ST18: variants seen among roughly 807,000 people sequenced by gnomAD.
ST18 encodes the protein suppression of tumorigenicity 18 protein.
Under a neutral mutation model 110.0 loss-of-function variants are expected in ST18, and 50 were observed. The ratio of observed to expected loss-of-function variants is 0.45; its 90% CI spans 0.36 to 0.58. The LOEUF (loss-of-function observed/expected upper bound fraction) is 0.58. Ranked by LOEUF, ST18 falls within the 20% of genes least tolerant of loss-of-function variation. ST18 has a pLI of 0.00. For synonymous variants in ST18, 461 were observed against 452.4 expected, an observed-to-expected ratio of 1.02 and a Z score of -0.24; for missense variants, 1,306 against 1,280.1, an observed-to-expected ratio of 1.02 and a Z score of -0.31.
intron 2 of ST18, among the ~76,000 whole-genome samples, chr8:52,245,636 A>C (rs909518169): frequency 6.6e-6 from 1 of 152,118 alleles, no homozygotes; most frequent in Non-Finnish European, 1.5e-5. Flanking sequence ...TCATAGAATT[A>C]CCAAGTGTAA....
intron 17 of ST18, among the ~76,000 whole-genome samples, chr8:52,142,219 C>G (rs1042095649): frequency 6.6e-6 from 1 of 151,976 alleles, no homozygotes; most frequent in Non-Finnish European, 1.5e-5. Flanking sequence ...TTTCTTGATA[C>G]GTTCAGCTGG....
chr8:52,166,536 C>T (rs77429462), intron 11 of ST18, among the ~76,000 whole-genome samples: 3,414 of 152,244 alleles, frequency 0.022, 110 homozygotes, highest in South Asian at 0.12. Context: ...GCCCACTGTC[C>T]GCACTCCCTC....
intron 9 of ST18, among the ~76,000 whole-genome samples, chr8:52,175,988 A>AT (rs368988965): frequency 3.3e-5 from 5 of 152,122 alleles, no homozygotes; most frequent in African/African-American, 1.2e-4. Flanking sequence ...TCAAGAGTGA[A>AT]TTTATATGAA....
At chr8:52,215,183 T>C (rs2083688279) in intron 6 of ST18, among the ~76,000 whole-genome samples, 1 of 152,182 alleles carries the variant, frequency 6.6e-6, no homozygotes, top group Non-Finnish European at 1.5e-5. Flanking sequence ...TAATGGGAGC[T>C]GCATTTCTGC....
At chr8:52,405,360 C>G (rs979760745) in intron 2 of ST18, 1 of 152,192 alleles carries the variant, frequency 6.6e-6, no homozygotes, top group Non-Finnish European at 1.5e-5. Context: ...AATTCTAAAA[C>G]TGCCTATGCG....
At chr8:52,123,705 A>G (rs188986806) in intron 23 of ST18, among the ~76,000 whole-genome samples, 60 of 152,326 alleles carry the variant, frequency 3.9e-4, no homozygotes, top group East Asian at 2.7e-3. Context: ...TGAAGATGCT[A>G]GACATATAGG....
intron 2 of ST18, among the ~76,000 whole-genome samples, chr8:52,240,986 A>C (rs182950885): frequency 2.6e-5 from 4 of 152,346 alleles, no homozygotes; most frequent in Admixed American, 6.5e-5. Flanking sequence ...ATGTACAAGA[A>C]AGGACCCATT....
chr8:52,402,523 G>T (rs569326928), intron 2 of ST18, among the ~76,000 whole-genome samples: 4 of 152,272 alleles, frequency 2.6e-5, no homozygotes, highest in Admixed American at 1.3e-4. Flanking sequence ...GGAAGAAGGG[G>T]TGTTCTAGAC....
chr8:52,200,973 T>C (rs2077768327), intron 8 of ST18: 1 of 152,242 alleles, frequency 6.6e-6, no homozygotes, highest in Admixed American at 6.5e-5. Flanking sequence ...AGAGGAGTGC[T>C]GGGGATGTAA....
chr8:52,165,247 A>G, intron 11 of ST18, 22 bp from the exon 12 acceptor site: 1 of 1,612,334 alleles, frequency 6.2e-7, no homozygotes. Flanking sequence ...ACAACACATA[A>G]AGGAAAGAAT....
rs1159770176 is a variant in ST18 at position 52,250,445 on chromosome 8, CAAAAAAAAAAAAAA to C, written c.-464-20382_-464-20369del. On this transcript the variant is annotated intron_variant, in intron 2 of 25. Transcript: ENST00000689386. ...TGACACTGTGGAAGAGCCTCAAAGG[CAAAAAAAAAAAAAA>C]AAAAAAAAAAAAAAAAAAGATCAAA... 1.2e-3 allele frequency among the ~76,000 whole-genome samples: 5 copies of C among 4,274 alleles called. 1 individual carries two copies. The South Asian group carries it at 0.035, about 30-fold the overall frequency. 2.8% of individuals were successfully genotyped at this position (4,274 alleles called of 152,430 possible). A position where few individuals can be genotyped will look rare whatever the true frequency, so the allele number is the denominator to read the frequency against.
chr8:52,289,922 CT>C (rs113405109), intron 2 of ST18, among the ~76,000 whole-genome samples: 150 of 146,022 alleles, frequency 1.0e-3, no homozygotes, highest in African/African-American at 1.4e-3. Context: ...CTGATTATAC[CT>C]TTTTTTTTTT....
At chr8:52,402,617 G>C (rs1278456773) in intron 2 of ST18, among the ~76,000 whole-genome samples, 1 of 152,154 alleles carries the variant, frequency 6.6e-6, no homozygotes, top group Admixed American at 6.5e-5. Flanking sequence ...CATCAGAAGT[G>C]GGGGTACTGC....
chr8:52,153,087 T>G (rs889968438), intron 15 of ST18, among the ~76,000 whole-genome samples: 2 of 152,238 alleles, frequency 1.3e-5, no homozygotes, highest in Non-Finnish European at 2.9e-5. Context: ...TCTTCCATTA[T>G]TTTTCAGGCA....
intron 8 of ST18, among the ~76,000 whole-genome samples, chr8:52,190,385 A>G (rs2074067800): frequency 6.6e-6 from 1 of 152,168 alleles, no homozygotes; most frequent in Admixed American, 6.5e-5. Context: ...TATAGGATGC[A>G]TGGCTGATGG....
At chr8:52,333,603 C>T (rs982518581) in intron 2 of ST18, among the ~76,000 whole-genome samples, 2 of 151,874 alleles carry the variant, frequency 1.3e-5, no homozygotes, top group Non-Finnish European at 2.9e-5. Context: ...GGGGTGGGGG[C>T]GAAGCCAGGG....
intron 2 of ST18, among the ~76,000 whole-genome samples, chr8:52,302,448 A>G (rs948982400): frequency 6.6e-6 from 1 of 152,202 alleles, no homozygotes; most frequent in Non-Finnish European, 1.5e-5. Flanking sequence ...GTTTATATAG[A>G]AATCTATTCC....
rs1324223613 is a variant in ST18, at chr8:52,259,388, CTGCCCACTTCATACT to C, written c.-464-29326_-464-29312del. ...CAACCGCTAGACATAAGTTTATTGC[CTGCCCACTTCATACT>C]TGCAATATTTAATCTCTACATGTAG... On this transcript the variant is annotated intron_variant, in intron 2 of 25. Transcript: ENST00000689386. 3.9e-5 allele frequency among the ~76,000 whole-genome samples: 6 copies of C among 152,282 alleles called. No homozygotes were observed. In the East Asian group the frequency reaches 1.2e-3, roughly 29 times the overall value.
chr8:52,133,449 A>C, intron 19 of ST18, 148 bp from the exon 20 acceptor site: 1 of 801,680 alleles, frequency 1.2e-6, no homozygotes, highest in Non-Finnish European at 2.0e-6. Flanking sequence ...ACACAGCCAA[A>C]TGTAACTAAA....
Sources: allele counts gnomAD v4.1 joint callset (sites outside exome capture counted in the v4.1 genomes callset), GRCh38; gene constraint gnomAD v4.1.1; transcripts MANE v1.5; gene names NCBI Gene and HGNC (gene_info 2026-07-23, HGNC 2026-07-21).